The following FRMD3 variants were observed in gnomAD, a reference collection of about 807,000 sequenced individuals.
FRMD3 encodes the protein FERM domain containing 3.
FRMD3 carries 33 observed loss-of-function variants against 70.2 expected under a neutral mutation model. The observed-to-expected ratio is 0.47, with a 90% CI of 0.36 to 0.63. FRMD3 has a LOEUF of 0.63. Ranked by LOEUF, FRMD3 falls within the 20% of genes least tolerant of loss-of-function variation. The probability of loss-of-function intolerance (pLI) is 0.00; values close to 1 mark genes in which losing one functional copy is unlikely to be tolerated. For missense variants in FRMD3, 632 were observed against 711.4 expected, an observed-to-expected ratio of 0.89 and a Z score of 1.27; for synonymous variants, 279 against 255.9, an observed-to-expected ratio of 1.09 and a Z score of -0.86.
intron 6 of FRMD3, among the ~76,000 whole-genome samples, chr9:83,325,060 GAAAC>G (rs1344903920): frequency 6.6e-6 from 1 of 152,156 alleles, no homozygotes; most frequent in Non-Finnish European, 1.5e-5. Context: ...TAATAACACA[GAAAC>G]AAAGTCAAAT....
chr9:83,283,542 A>AT (rs1563993343), intron 13 of FRMD3, among the ~76,000 whole-genome samples: 87 of 64,384 alleles, frequency 1.4e-3, no homozygotes, highest in African/African-American at 3.4e-3. Context: ...AAAAAAAAAA[A>AT]AAAAAATAAT....
rs1422242849 is a variant in FRMD3 at position 83,530,706 on chromosome 9, T to C, written c.147+7379A>G. 2.0e-5 allele frequency among the ~76,000 whole-genome samples: 3 copies of C among 152,218 alleles called. No homozygotes were observed. In the East Asian group the frequency reaches 5.8e-4, roughly 29 times the overall value. On this transcript the variant is annotated intron_variant, in intron 1 of 13. Coordinates refer to ENST00000304195, the MANE Select transcript of FRMD3 (RefSeq NM_174938.6). Reference sequence around the variant, plus strand: ...TCTTAGTATTATTTTGAAAATAGTTTTTTTTTAATAGCATGGACTCCATGA... The same window carrying C: ...TCTTAGTATTATTTTGAAAATAGTTCTTTTTTAATAGCATGGACTCCATGA...
chr9:83,245,652 T>C lies in FRMD3; in HGVS notation c.*2266A>G. The C allele has an allele frequency of 2.3e-6, 2 of 856,858 alleles. No homozygotes were observed. Among genetic ancestry groups the C allele is most frequent in the East Asian group, 2.4e-4 (2 of 8,224 alleles). 53.1% of individuals were successfully genotyped at this position (856,858 alleles called of 1,614,324 possible). ...AATGGAAAATATATTAGTTCCATAA[T>C]TTAAAAAATATTATATAATATTATT... On this transcript the variant is annotated 3_prime_UTR_variant, in exon 14 of 14. Transcript: ENST00000304195.
chr9:83,254,589 A>G (rs904522896), intron 13 of FRMD3, among the ~76,000 whole-genome samples: 1 of 151,994 alleles, frequency 6.6e-6, no homozygotes, highest in African/African-American at 2.4e-5. Context: ...AAGTCAATGA[A>G]TCTAGACGCT....
chr9:83,341,680 C>G (rs1823762655), intron 5 of FRMD3, among the ~76,000 whole-genome samples: 1 of 152,058 alleles, frequency 6.6e-6, no homozygotes. Context: ...TTTCCCATTA[C>G]AGTATCAACC....
At position 83,310,441 on chromosome 9, in the gene FRMD3, A is replaced by C. The variant is rs1835308161; in HGVS notation, c.837+44T>G. Reference sequence around the variant, plus strand: ...CATATTTTACTCCTGAATCTCTCTCATGCACACACAATAACAGGCAGTTAA... The same window carrying C: ...CATATTTTACTCCTGAATCTCTCTCCTGCACACACAATAACAGGCAGTTAA... On this transcript the variant is annotated intron_variant, in intron 9 of 13. Coordinates refer to ENST00000304195, the MANE Select transcript of FRMD3 (RefSeq NM_174938.6). The C allele has an allele frequency of 2.7e-6, 4 of 1,468,734 alleles. No individual in the cohort carries two copies. In the South Asian group the frequency reaches 3.5e-5, roughly 13 times the overall value. 91.0% of individuals were successfully genotyped at this position (1,468,734 alleles called of 1,614,324 possible).
chr9:83,455,729 GAA>G (rs1248911838), intron 1 of FRMD3, among the ~76,000 whole-genome samples: 1 of 152,166 alleles, frequency 6.6e-6, no homozygotes, highest in Admixed American at 6.5e-5. Flanking sequence ...GACTATATCA[GAA>G]ACCTCAACAA....
intron 13 of FRMD3, among the ~76,000 whole-genome samples, chr9:83,266,200 G>A (rs551764394): frequency 9.5e-4 from 144 of 150,994 alleles, no homozygotes; most frequent in Non-Finnish European, 1.9e-3. Context: ...GAGTATTAAC[G>A]GAAAGCATCT....
chr9:83,480,496 A>T (rs1828541324), intron 1 of FRMD3, among the ~76,000 whole-genome samples: 1 of 143,020 alleles, frequency 7.0e-6, no homozygotes, highest in African/African-American at 2.6e-5. Context: ...TAAACTAGAG[A>T]TTTTTTTTTT....
At chr9:83,244,144 A>AAAGAAGT (rs10652501), downstream of FRMD3, among the ~76,000 whole-genome samples, 12 of 150,436 alleles carry the variant, frequency 8.0e-5, no homozygotes, top group East Asian at 2.4e-3. Flanking sequence ...CAAAAAAAAA[A>AAAGAAGT]AAGTGGAATC....
chr9:83,508,703 C>T (rs1461609857), intron 1 of FRMD3, among the ~76,000 whole-genome samples: 1 of 152,152 alleles, frequency 6.6e-6, no homozygotes, highest in Non-Finnish European at 1.5e-5. Flanking sequence ...TCTCACCTCC[C>T]TTGCCATTTT....
intron 13 of FRMD3, among the ~76,000 whole-genome samples, chr9:83,273,082 C>G (rs1427224684): frequency 6.6e-6 from 1 of 151,956 alleles, no homozygotes; most frequent in African/African-American, 2.4e-5. Flanking sequence ...GCCACCCCTT[C>G]TGGGAAGTGA....
At chr9:83,437,620 A>C (rs1216876740) in intron 1 of FRMD3, among the ~76,000 whole-genome samples, 1 of 152,148 alleles carries the variant, frequency 6.6e-6, no homozygotes, top group Non-Finnish European at 1.5e-5. Flanking sequence ...TTAATCCATC[A>C]TTACTGACCA....
At chr9:83,506,649 C>A (rs749900210) in intron 1 of FRMD3, among the ~76,000 whole-genome samples, 1 of 152,108 alleles carries the variant, frequency 6.6e-6, no homozygotes, top group African/African-American at 2.4e-5. Context: ...TAGGACATTA[C>A]GCTACACCAC....
At chr9:83,507,578 G>A (rs1265599124) in intron 1 of FRMD3, among the ~76,000 whole-genome samples, 2 of 148,040 alleles carry the variant, frequency 1.4e-5, no homozygotes, top group Admixed American at 6.8e-5. Flanking sequence ...GCTGAGGCAG[G>A]AGAATGGCAT....
the FRMD3 span, among the ~76,000 whole-genome samples, chr9:83,551,296 G>A: frequency 4.0e-4 from 61 of 152,094 alleles, no homozygotes; most frequent in Non-Finnish European, 2.9e-5. Context: ...GTTGTATGTT[G>A]AGCCAACTTT....
At chr9:83,458,702 C>T (rs1392775375) in intron 1 of FRMD3, among the ~76,000 whole-genome samples, 3 of 152,144 alleles carry the variant, frequency 2.0e-5, no homozygotes, top group East Asian at 3.9e-4. Flanking sequence ...AAGAAGAGTA[C>T]ATCTACAAAC....
chr9:83,515,484 C>A (rs1308950392), intron 1 of FRMD3, among the ~76,000 whole-genome samples: 1 of 152,140 alleles, frequency 6.6e-6, no homozygotes, highest in Non-Finnish European at 1.5e-5. Context: ...AAAGACCAAC[C>A]TACATTTGAT....
chr9:83,549,596 A>G, the FRMD3 span, among the ~76,000 whole-genome samples: 1 of 152,070 alleles, frequency 6.6e-6, no homozygotes, highest in South Asian at 2.1e-4. Flanking sequence ...TTTCTTTGCA[A>G]CCTTGCCAGC....
Sources: gnomAD v4.1 joint callset for allele counts (sites outside exome capture counted in the v4.1 genomes callset) on GRCh38, gnomAD v4.1.1 for gene constraint, MANE v1.5 for transcripts, NCBI Gene and HGNC (gene_info 2026-07-23, HGNC 2026-07-21) for gene names.